ZBTB16: variants seen among roughly 807,000 people sequenced by gnomAD.
ZBTB16 encodes the protein zinc finger and BTB domain containing 16.
Under a neutral mutation model 56.8 loss-of-function variants are expected in ZBTB16, and 8 were observed. That is an observed-to-expected ratio of 0.14 (90% CI 0.08 to 0.25). The LOEUF (loss-of-function observed/expected upper bound fraction) is 0.25. ZBTB16 is among the 10% of genes least tolerant of loss of function. The probability of loss-of-function intolerance (pLI) is 1.00; values close to 1 mark genes in which losing one functional copy is unlikely to be tolerated. For missense variants in ZBTB16, 625 were observed against 903.0 expected, an observed-to-expected ratio of 0.69 and a Z score of 3.95; for synonymous variants, 363 against 368.5, an observed-to-expected ratio of 0.98 and a Z score of 0.17.
chr11:114,167,547 T>C (rs573393602), intron 3 of ZBTB16, among the ~76,000 whole-genome samples: 38 of 151,966 alleles, frequency 2.5e-4, no homozygotes, highest in Non-Finnish European at 4.7e-4. Context: ...AATTACTGAA[T>C]TAATTAGGTA....
At chr11:114,249,595 C>A (rs1157038326) in intron 6 of ZBTB16, among the ~76,000 whole-genome samples, 9 of 141,782 alleles carry the variant, frequency 6.3e-5, no homozygotes, top group Non-Finnish European at 1.4e-4. Flanking sequence ...GAAACCCCGT[C>A]TCTACTAAAA....
chr11:114,079,605 C>T (rs1385741347), intron 2 of ZBTB16, among the ~76,000 whole-genome samples: 1 of 152,214 alleles, frequency 6.6e-6, no homozygotes, highest in Non-Finnish European at 1.5e-5. Flanking sequence ...GAAGTGTGTG[C>T]CGCATTCTTT....
At chr11:114,104,180 A>C (rs1591669304) in intron 2 of ZBTB16, among the ~76,000 whole-genome samples, 1 of 152,280 alleles carries the variant, frequency 6.6e-6, no homozygotes, top group South Asian at 2.1e-4. Context: ...TCCCAGGGTG[A>C]ACGTGTGTAG....
intron 2 of ZBTB16, among the ~76,000 whole-genome samples, chr11:114,100,189 G>A (rs1011867218): frequency 1.3e-5 from 2 of 152,166 alleles, no homozygotes; most frequent in Non-Finnish European, 2.9e-5. Context: ...TCCTTAATCA[G>A]TAGTGGCAAA....
At position 114,064,277 on chromosome 11, in the gene ZBTB16, C is replaced by A; in HGVS notation, c.977C>A (p.Pro326Gln). ...GGCCGACCTGAGCACCCAGCACCCC[C>A]GCCTGAGAAGCATCTGGGCATCTAC... is the stretch of plus-strand genomic sequence containing the variant. ...PTGRPEHPAP[P>Q]PEKHLGIYSV... The change falls in exon 2 of 7, where the codon CCG (proline) becomes CAG (glutamine). Residue 326 changes from proline (P) to glutamine (Q), a missense_variant. Physicochemically the swap from Pro to Gln is moderately conservative, Grantham distance 76. Coordinates refer to ENST00000335953, the MANE Select transcript of ZBTB16 (RefSeq NM_006006.6). This position sits in a 1 kb window ranked among gnomAD's most constrained non-coding sequence, Gnocchi z 4.2. 1 of 1,614,120 alleles carries A rather than the reference C, an allele frequency of 6.2e-7. No homozygotes were observed.
chr11:114,082,122 A>AAG (rs1274050910), intron 2 of ZBTB16, among the ~76,000 whole-genome samples: 2 of 151,364 alleles, frequency 1.3e-5, no homozygotes, highest in African/African-American at 2.4e-5. Flanking sequence ...TTTACAAAAA[A>AAG]AAAAAAAAAA....
chr11:114,087,241 C>T (rs927261345), intron 2 of ZBTB16, among the ~76,000 whole-genome samples: 1 of 152,242 alleles, frequency 6.6e-6, no homozygotes, highest in African/African-American at 2.4e-5. Flanking sequence ...CTTACCAGTT[C>T]TCCTGTCTCT....
chr11:114,167,323 C>A (rs1307689556), intron 3 of ZBTB16, among the ~76,000 whole-genome samples: 13 of 128,998 alleles, frequency 1.0e-4, no homozygotes, highest in African/African-American at 3.8e-4. Context: ...CTCTCTCTCT[C>A]TCTCTCTGAG....
At chr11:114,070,361 GC>G (rs1939301799) in intron 2 of ZBTB16, among the ~76,000 whole-genome samples, 2 of 152,004 alleles carry the variant, frequency 1.3e-5, no homozygotes, top group South Asian at 4.1e-4. Flanking sequence ...ACCCGCCTCG[GC>G]CTCCCAAAGT....
At chr11:114,186,922 C>G (rs747154780) in intron 3 of ZBTB16, 30 bp from the exon 4 acceptor site, 6 of 1,609,444 alleles carry the variant, frequency 3.7e-6, no homozygotes, top group East Asian at 2.2e-5. Flanking sequence ...GACTATTGCT[C>G]TAGTGGTAAC....
chr11:114,151,181 G>A (rs4938076), intron 2 of ZBTB16, among the ~76,000 whole-genome samples: 6,379 of 152,156 alleles, frequency 0.042, 317 homozygotes, highest in East Asian at 0.26. Flanking sequence ...AAAGCATCGG[G>A]GTGACTTTTG....
chr11:114,064,337 T>C lies in ZBTB16; in HGVS notation c.1037T>C (p.Leu346Ser), dbSNP rs1369696990. 3 of 1,614,050 alleles carry C rather than the reference T, an allele frequency of 1.9e-6. No individual in the cohort carries two copies. The highest frequency in any genetic ancestry group is 2.5e-6 in the Non-Finnish European group (3 of 1,180,020). The change falls in exon 2 of 7, where the codon TTG becomes TCG. Residue 346 changes from leucine (L) to serine (S), a missense_variant. This residue lies in a region of ZBTB16 where 384 missense variants were observed against 393.5 expected (regional missense o/e 0.98). Transcript: ENST00000335953. This position sits in a 1 kb window ranked among gnomAD's most constrained non-coding sequence, Gnocchi z 4.2. The part of the protein sequence containing the change: ...VLPNHKADAV[L>S]SMPSSVTSGL... ...CCCAACCACAAGGCTGACGCTGTATTGAGCATGCCGTCTTCCGTGACCTCT... is the reference window on the plus strand; with the variant it reads ...CCCAACCACAAGGCTGACGCTGTATCGAGCATGCCGTCTTCCGTGACCTCT...
At chr11:114,226,654 G>T (rs1261336185) in intron 4 of ZBTB16, among the ~76,000 whole-genome samples, 1 of 152,170 alleles carries the variant, frequency 6.6e-6, no homozygotes, top group Non-Finnish European at 1.5e-5. Context: ...GGGTTGGCGT[G>T]TCTGAATGTG....
At chr11:114,061,909 C>T (rs764921513) in intron 1 of ZBTB16, among the ~76,000 whole-genome samples, 18 of 152,162 alleles carry the variant, frequency 1.2e-4, no homozygotes, top group Non-Finnish European at 1.9e-4. Flanking sequence ...GCCTGTGGGA[C>T]ACACGTGGAG....
intron 3 of ZBTB16, among the ~76,000 whole-genome samples, chr11:114,169,094 G>A (rs146634100): frequency 7.4e-4 from 112 of 152,226 alleles, no homozygotes; most frequent in African/African-American, 2.7e-3. Flanking sequence ...AAGTAGGAGG[G>A]GTAGGAGGAG....
Position 114,252,485 on chromosome 11 carries a change from C to T in ZBTB16, c.*1930C>T, listed in dbSNP as rs750162586. ...TCCAGTTGTTCTTTTGTTCCTTTCC[C>T]GCCTCCCATTCTGCTGCTCTTCCTC... On this transcript the variant is annotated 3_prime_UTR_variant, in exon 7 of 7. Transcript: ENST00000335953. Among the ~76,000 whole-genome samples the T allele has an allele frequency of 5.9e-5, 9 of 152,034 alleles. No homozygotes were observed. The highest frequency in any genetic ancestry group is 2.0e-4 in the Admixed American group (3 of 15,242).
chr11:114,090,526 C>G (rs73000943), intron 2 of ZBTB16, among the ~76,000 whole-genome samples: 2 of 152,180 alleles, frequency 1.3e-5, no homozygotes, highest in Non-Finnish European at 2.9e-5. Context: ...ATCATAAACA[C>G]GTGTGGACTT....
chr11:114,122,247 T>G (rs923865910), intron 2 of ZBTB16, among the ~76,000 whole-genome samples: 2 of 152,222 alleles, frequency 1.3e-5, no homozygotes, highest in Non-Finnish European at 2.9e-5. Flanking sequence ...TGCTTCAGAC[T>G]GCTTTTTATC....
At chr11:114,165,430 A>G (rs925016555) in intron 3 of ZBTB16, among the ~76,000 whole-genome samples, 1 of 152,224 alleles carries the variant, frequency 6.6e-6, no homozygotes, top group African/African-American at 2.4e-5. Context: ...CTGGGCCAGT[A>G]CTGTGCACCT....
Sources: gnomAD v4.1 joint callset for allele counts (sites outside exome capture counted in the v4.1 genomes callset) on GRCh38, gnomAD v4.1.1 for gene constraint, gnomAD v4.1.1 regional missense constraint, Gnocchi (gnomAD v3.1) non-coding constraint, MANE v1.5 for transcripts, NCBI Gene and HGNC (gene_info 2026-07-23, HGNC 2026-07-21) for gene names.